ATCAY: variants seen among roughly 807,000 people sequenced by gnomAD.
The protein encoded by ATCAY is ATCAY kinesin light chain interacting caytaxin.
Under a neutral mutation model 47.7 loss-of-function variants are expected in ATCAY, and 22 were observed. The ratio of observed to expected loss-of-function variants is 0.46; its 90% CI spans 0.33 to 0.66. ATCAY has a LOEUF of 0.66. Among genes scored for constraint, ATCAY ranks in the 30% least tolerant of loss-of-function variants. ATCAY has a pLI of 0.02. For missense variants in ATCAY, 452 were observed against 515.0 expected (o/e 0.88, Z 1.18); for synonymous variants, 216 against 207.6 (o/e 1.04, Z -0.35).
intron 3 of ATCAY, among the ~76,000 whole-genome samples, chr19:3,903,982 C>CAAAAAAAAAAAAAA (rs59631453): frequency 2.5e-5 from 2 of 79,056 alleles, no homozygotes; most frequent in African/African-American, 7.3e-5. Context: ...ACTAAAGATA[C>CAAAAAAAAAAAAAA]AAAAAAAAAA....
intron 12 of ATCAY, chr19:3,922,351 C>G: frequency 1.6e-6 from 1 of 624,506 alleles, no homozygotes; most frequent in Non-Finnish European, 2.9e-6. Flanking sequence ...ATTTATAATC[C>G]TGGCGGAAGC....
intron 2 of ATCAY, among the ~76,000 whole-genome samples, chr19:3,888,555 G>C (rs1005569384): frequency 1.3e-5 from 2 of 151,984 alleles, no homozygotes; most frequent in Non-Finnish European, 2.9e-5. Context: ...GCTGGAACTC[G>C]GGAGGCGAAG....
intron 2 of ATCAY, among the ~76,000 whole-genome samples, chr19:3,892,456 C>T (rs1417506824): frequency 4.6e-5 from 7 of 151,864 alleles, no homozygotes; most frequent in African/African-American, 1.7e-4. Context: ...CCACCTCAGC[C>T]TCCCAAAATG....
rs1242642102 is a variant in ATCAY at position 3,913,823 on chromosome 19, T to C, written c.932T>C (p.Met311Thr). The C allele has an allele frequency of 1.9e-6, 3 of 1,613,806 alleles. No individual in the cohort carries two copies. The highest frequency in any genetic ancestry group is 2.5e-6 in the Non-Finnish European group (3 of 1,179,844). The change falls in exon 9 of 13, where the codon ATG (methionine) becomes ACG (threonine). Residue 311 changes from methionine to threonine, a missense_variant. Physicochemically the swap from Met to Thr is moderately conservative, Grantham distance 81 (BLOSUM62 -1). Coordinates refer to ENST00000450849, the MANE Select transcript of ATCAY (RefSeq NM_033064.5). ...SLEDLEQLIP[M>T]EHVQIPDCVL... The stretch of plus-strand genomic sequence containing the variant: ...GAAGACCTGGAGCAACTCATCCCTA[T>C]GGAACACGTCCAGATCCCAGACTGC...
chr19:3,881,462 T>C (rs1172010426), intron 1 of ATCAY, among the ~76,000 whole-genome samples: 1 of 151,170 alleles, frequency 6.6e-6, no homozygotes, highest in Non-Finnish European at 1.5e-5. Flanking sequence ...GGTTTATGGT[T>C]TAAGACACAG....
rs556326572 is a variant in ATCAY at position 3,903,402 on chromosome 19, G to A, written c.136+857G>A. Reference sequence around the variant, plus strand: ...AACCTGGCGATTGCAACGTGCCTCCGGAGGCAGGGAAAGGGCCCAGGTTGG... The same window carrying A: ...AACCTGGCGATTGCAACGTGCCTCCAGAGGCAGGGAAAGGGCCCAGGTTGG... On this transcript the variant is annotated intron_variant, in intron 3 of 12. Transcript: ENST00000450849. Among the ~76,000 whole-genome samples, 119 of 152,254 alleles carry A rather than the reference G, an allele frequency of 7.8e-4. 1 individual carries two copies. Among genetic ancestry groups the A allele is most frequent in the Non-Finnish European group, 1.1e-3 (72 of 68,012 alleles).
In ATCAY at chr19:3,907,938, T is replaced by A. The variant is rs1335300634; in HGVS notation, c.544+19T>A. 6.2e-7 allele frequency: 1 copy of A among 1,608,144 alleles called. No individual in the cohort carries two copies. Among genetic ancestry groups the A allele is most frequent in the Non-Finnish European group, 8.5e-7 (1 of 1,177,428 alleles). On this transcript the variant is annotated intron_variant, in intron 5 of 12. Coordinates refer to ENST00000450849, the MANE Select transcript of ATCAY (RefSeq NM_033064.5). The surrounding 1 kb of genome is among the most constrained non-coding windows in gnomAD (Gnocchi z 5.1). ...CACGGAGGTGAGACCCGCCCCCCGG[T>A]GCCCCCTTGGGGCTCCAGCCCGGCC...
intron 2 of ATCAY, among the ~76,000 whole-genome samples, chr19:3,894,866 T>C (rs1051129079): frequency 9.3e-5 from 14 of 150,024 alleles, no homozygotes; most frequent in Admixed American, 1.4e-4. Context: ...GGAGGATCCC[T>C]TGAGCCCAGG....
chr19:3,921,546 TACTC>T (rs1417146255), intron 12 of ATCAY, among the ~76,000 whole-genome samples: 2 of 152,188 alleles, frequency 1.3e-5, no homozygotes, highest in African/African-American at 4.8e-5. Context: ...AAAGCTGTCA[TACTC>T]ACAGTTATGG....
chr19:3,912,821 G>A (rs922389154), intron 8 of ATCAY, among the ~76,000 whole-genome samples: 1 of 151,814 alleles, frequency 6.6e-6, no homozygotes, highest in African/African-American at 2.4e-5. Flanking sequence ...GGAGGTCGAG[G>A]CTGTAGTGAG....
chr19:3,913,003 T>C (rs970064278), intron 8 of ATCAY, among the ~76,000 whole-genome samples: 2 of 151,906 alleles, frequency 1.3e-5, no homozygotes, highest in South Asian at 2.1e-4. Context: ...AAACAGAGAA[T>C]TGGGCCAGGC....
intron 2 of ATCAY, 126 bp from the exon 3 acceptor site, chr19:3,902,361 A>C (rs1329252968): frequency 1.2e-6 from 1 of 834,710 alleles, no homozygotes. Context: ...ATTCTCCAGA[A>C]CTAAATGTGT....
At position 3,907,745 on chromosome 19, in the gene ATCAY, G is replaced by A. The variant is rs147684273; in HGVS notation, c.370G>A (p.Val124Met). 6.0e-5 allele frequency: 97 copies of A among 1,614,012 alleles called. No homozygotes were observed. Among genetic ancestry groups the A allele is most frequent in the East Asian group, 8.9e-5 (4 of 44,892 alleles). The change falls in exon 5 of 13, where the codon GTG (valine) becomes ATG (methionine). Residue 124 changes from valine to methionine, a missense_variant. Coordinates refer to ENST00000450849, the MANE Select transcript of ATCAY (RefSeq NM_033064.5). The surrounding 1 kb of genome is among the most constrained non-coding windows in gnomAD (Gnocchi z 5.1). Reference sequence around the variant, plus strand: ...CCACCTGCTTCTAGACGACACCCCCGTGGCCACCGCCAAGAACATGCCCGG... The same window carrying A: ...CCACCTGCTTCTAGACGACACCCCCATGGCCACCGCCAAGAACATGCCCGG... ...NELEWEDDTPVATAKNMPGDS... is the reference protein window; with the variant it reads ...NELEWEDDTPMATAKNMPGDS...
chr19:3,896,732 G>A (rs1001004368), intron 2 of ATCAY, among the ~76,000 whole-genome samples: 4 of 152,182 alleles, frequency 2.6e-5, no homozygotes, highest in Non-Finnish European at 4.4e-5. Context: ...TTCCTCTGGC[G>A]GGAGGAGATG....
At chr19:3,898,015 T>C (rs2038784408) in intron 2 of ATCAY, among the ~76,000 whole-genome samples, 1 of 152,166 alleles carries the variant, frequency 6.6e-6, no homozygotes, top group South Asian at 2.1e-4. Flanking sequence ...GCAGAGTCCA[T>C]TCATAATGTT....
intron 6 of ATCAY, 98 bp from the exon 7 acceptor site, chr19:3,909,388 C>G: frequency 6.9e-7 from 1 of 1,449,048 alleles, no homozygotes. Flanking sequence ...GCTGACCCAG[C>G]CAGCGGCAGG....
rs1470417292 is a variant in ATCAY at position 3,908,382 on chromosome 19, C to A, written c.647+12C>A. 1 of 1,572,450 alleles carries A rather than the reference C, an allele frequency of 6.4e-7. No homozygotes were observed. Among genetic ancestry groups the A allele is most frequent in the Non-Finnish European group, 8.6e-7 (1 of 1,158,170 alleles). ...GAGAACCTCTTCCTGTGAGTCCCCGCCCGCGGCGAGCAGCCTCGGGCCAGC... is the reference window on the plus strand; with the variant it reads ...GAGAACCTCTTCCTGTGAGTCCCCGACCGCGGCGAGCAGCCTCGGGCCAGC... On this transcript the variant is annotated intron_variant, in intron 6 of 12. Coordinates refer to ENST00000450849, the MANE Select transcript of ATCAY (RefSeq NM_033064.5).
intron 1 of ATCAY, among the ~76,000 whole-genome samples, chr19:3,884,167 G>A (rs956821290): frequency 6.6e-5 from 10 of 152,026 alleles, no homozygotes; most frequent in African/African-American, 2.4e-4. Flanking sequence ...CACACTCGTG[G>A]TCCCAGATAC....
At chr19:3,900,198 T>C (rs751162988) in intron 2 of ATCAY, among the ~76,000 whole-genome samples, 30 of 114,786 alleles carry the variant, frequency 2.6e-4, no homozygotes, top group East Asian at 1.4e-3. Context: ...TTTTCTCTCT[T>C]TTTTTTTTTA....
Sources: gnomAD v4.1 joint callset for allele counts (sites outside exome capture counted in the v4.1 genomes callset) on GRCh38, gnomAD v4.1.1 for gene constraint, Gnocchi (gnomAD v3.1) non-coding constraint, MANE v1.5 for transcripts, NCBI Gene and HGNC (gene_info 2026-07-23, HGNC 2026-07-21) for gene names.